Variants in SEMA6D observed in about 807,000 individuals in gnomAD.
SEMA6D encodes semaphorin-6D.
A neutral mutation model predicts 106.6 loss-of-function variants in SEMA6D; 35 were observed. The ratio of observed to expected loss-of-function variants is 0.33; its 90% CI spans 0.25 to 0.44. SEMA6D has a LOEUF of 0.44. Among genes scored for constraint, SEMA6D ranks in the 20% least tolerant of loss-of-function variants. The pLI is 1.00. For synonymous variants in SEMA6D, 499 were observed against 487.7 expected (o/e 1.02, Z -0.31); for missense variants, 1,185 against 1,345.9 (o/e 0.88, Z 1.87).
chr15:47,190,346 C>G (rs893205974), intron 1 of SEMA6D, among the ~76,000 whole-genome samples: 1 of 152,194 alleles, frequency 6.6e-6, no homozygotes, highest in Non-Finnish European at 1.5e-5. Flanking sequence ...GAGGAGGAAA[C>G]TTGAAAATTT....
chr15:47,434,326 G>T (rs918916410), intron 2 of SEMA6D, among the ~76,000 whole-genome samples: 4 of 152,094 alleles, frequency 2.6e-5, no homozygotes, highest in African/African-American at 7.2e-5. Context: ...GTTGAAATGG[G>T]TGCATTCTGG....
chr15:47,244,110 A>G (rs536463941), intron 1 of SEMA6D, among the ~76,000 whole-genome samples: 1 of 152,278 alleles, frequency 6.6e-6, no homozygotes, highest in Non-Finnish European at 1.5e-5. Flanking sequence ...AGGAGAGTCA[A>G]CAGTAACCAA....
intron 4 of SEMA6D, among the ~76,000 whole-genome samples, chr15:47,670,582 T>C (rs1304789525): frequency 1.3e-5 from 2 of 152,142 alleles, no homozygotes; most frequent in African/African-American, 4.8e-5. Context: ...GCTTAGTAGG[T>C]TTTCTGTTCC....
intron 4 of SEMA6D, among the ~76,000 whole-genome samples, chr15:47,611,144 T>TACACACAC (rs1271225300): frequency 5.8e-4 from 65 of 112,536 alleles, no homozygotes; most frequent in African/African-American, 2.7e-3. Context: ...GCCACCGTCC[T>TACACACAC]ACATACACAC....
intron 3 of SEMA6D, among the ~76,000 whole-genome samples, chr15:47,477,624 A>G (rs780897942): frequency 2.6e-5 from 4 of 152,206 alleles, no homozygotes; most frequent in African/African-American, 9.6e-5. Flanking sequence ...TGATGCAACT[A>G]TCTAAACCAG....
intron 3 of SEMA6D, among the ~76,000 whole-genome samples, chr15:47,543,804 C>T (rs1174971926): frequency 6.6e-6 from 1 of 151,948 alleles, no homozygotes; most frequent in Non-Finnish European, 1.5e-5. Flanking sequence ...TGGTAACCTG[C>T]TAAATTGATT....
At chr15:47,308,883 C>T (rs2036333446) in intron 1 of SEMA6D, among the ~76,000 whole-genome samples, 1 of 152,122 alleles carries the variant, frequency 6.6e-6, no homozygotes, top group African/African-American at 2.4e-5. Flanking sequence ...ACAACTAACC[C>T]ATTTGAACAT....
intron 3 of SEMA6D, among the ~76,000 whole-genome samples, chr15:47,551,644 A>G (rs893463907): frequency 4.4e-5 from 5 of 113,770 alleles, no homozygotes; most frequent in African/African-American, 1.6e-4. Context: ...CCTAGCCCTC[A>G]CCTCCATCGA....
chr15:47,406,166 A>C (rs11070584), intron 1 of SEMA6D, among the ~76,000 whole-genome samples: 59,426 of 152,132 alleles, frequency 0.39, 12,049 homozygotes, highest in Middle Eastern at 0.55. Flanking sequence ...CTTTGCATAT[A>C]TGTAGTTGGC....
At chr15:47,565,156 A>G (rs946644893) in intron 3 of SEMA6D, among the ~76,000 whole-genome samples, 1 of 152,228 alleles carries the variant, frequency 6.6e-6, no homozygotes, top group African/African-American at 2.4e-5. Context: ...CTTTCTGAAG[A>G]TGGCAGAGCT....
chr15:47,342,224 A>G (rs1441700288), intron 1 of SEMA6D, among the ~76,000 whole-genome samples: 3 of 151,976 alleles, frequency 2.0e-5, no homozygotes, highest in Non-Finnish European at 4.4e-5. Context: ...AATCACATCC[A>G]TCTCCTTTGT....
At chr15:47,626,698 G>A (rs1448302078) in intron 4 of SEMA6D, among the ~76,000 whole-genome samples, 1 of 152,022 alleles carries the variant, frequency 6.6e-6, no homozygotes, top group African/African-American at 2.4e-5. Flanking sequence ...CTTTGTTTCT[G>A]AGCTTTTCCT....
chr15:47,407,672 G>A (rs2040641334), intron 1 of SEMA6D, among the ~76,000 whole-genome samples: 1 of 152,174 alleles, frequency 6.6e-6, no homozygotes, highest in Non-Finnish European at 1.5e-5. Flanking sequence ...GGTGGGTAGT[G>A]TTTGGAAAGG....
At chr15:47,450,963 A>G (rs1171238863) in intron 2 of SEMA6D, among the ~76,000 whole-genome samples, 1 of 152,120 alleles carries the variant, frequency 6.6e-6, no homozygotes, top group African/African-American at 2.4e-5. Flanking sequence ...TTCCCTGTGT[A>G]AAGTAGTGGA....
intron 4 of SEMA6D, among the ~76,000 whole-genome samples, chr15:47,649,418 TC>T (rs1490903968): frequency 6.6e-6 from 1 of 151,988 alleles, no homozygotes; most frequent in African/African-American, 2.4e-5. Context: ...GGAAGGGGCT[TC>T]CCTCAGAGAC....
chr15:47,457,635 T>C (rs2042384864), intron 2 of SEMA6D, among the ~76,000 whole-genome samples: 1 of 152,018 alleles, frequency 6.6e-6, no homozygotes, highest in South Asian at 2.1e-4. Flanking sequence ...GATATTCCTT[T>C]AGAAACTAAC....
intron 3 of SEMA6D, among the ~76,000 whole-genome samples, chr15:47,542,547 C>A (rs1333532964): frequency 6.6e-6 from 1 of 152,132 alleles, no homozygotes; most frequent in Non-Finnish European, 1.5e-5. Context: ...AGCAAGAGAC[C>A]TGTTTTGGCT....
intron 1 of SEMA6D, among the ~76,000 whole-genome samples, chr15:47,316,607 G>A (rs1297044246): frequency 7.1e-6 from 1 of 140,572 alleles, no homozygotes; most frequent in South Asian, 2.3e-4. Flanking sequence ...TTATTGAGAG[G>A]TTTTTTTTTT....
At chr15:47,583,885 G>T (rs2076293078) in intron 3 of SEMA6D, among the ~76,000 whole-genome samples, 1 of 152,142 alleles carries the variant, frequency 6.6e-6, no homozygotes, top group East Asian at 1.9e-4. Context: ...CTTCTTCACA[G>T]CTTTGTCTGC....
Sources: gnomAD v4.1 joint callset for allele counts (sites outside exome capture counted in the v4.1 genomes callset) on GRCh38, gnomAD v4.1.1 for gene constraint, MANE v1.5 for transcripts, NCBI Gene and HGNC (gene_info 2026-07-23, HGNC 2026-07-21) for gene names.